The following BRCA1 variants were observed in gnomAD, a reference collection of about 807,000 sequenced individuals.
BRCA1 encodes the protein breast cancer type 1 susceptibility protein.
A neutral mutation model predicts 173.7 loss-of-function variants in BRCA1; 140 were observed. That is an observed-to-expected ratio of 0.81 (90% CI 0.70 to 0.93). The LOEUF is 0.93. BRCA1 is among the 40% of genes least tolerant of loss of function. The pLI is 0.00. For missense variants in BRCA1, 1,983 were observed against 2,172.5 expected (o/e 0.91, Z 1.73); for synonymous variants, 662 against 756.0 (o/e 0.88, Z 2.04).
chr17:43,076,485 T>TACCTTTCC lies in BRCA1; in HGVS notation c.4479_4484+2dup. 6.2e-7 allele frequency: 1 copy of TACCTTTCC among 1,613,656 alleles called. No homozygotes were observed. Among genetic ancestry groups the TACCTTTCC allele is most frequent in the Non-Finnish European group, 8.5e-7 (1 of 1,179,822 alleles). Reference sequence around the variant, plus strand: ...ACAGCATCTTTACATTGATGTTTCTTACCTTTCCACTCCTGGTTCTTTATT... The same window carrying TACCTTTCC: ...ACAGCATCTTTACATTGATGTTTCTTACCTTTCCACCTTTCCACTCCTGGTTCTTTATT... On this transcript the variant is annotated splice_region_variant and intron_variant, in intron 13 of 22. Transcript: ENST00000357654.
rs8176259 is a variant in BRCA1, at chr17:43,063,788, CA to C, written c.5152+85del. 6,091 of 1,110,850 alleles carry C rather than the reference CA, an allele frequency of 5.5e-3. 235 individuals carry two copies. In the African/African-American group the frequency reaches 0.084, roughly 15 times the overall value. 68.8% of individuals were successfully genotyped at this position (1,110,850 alleles called of 1,614,324 possible). A position where few individuals can be genotyped will look rare whatever the true frequency, so the allele number is the denominator to read the frequency against. On this transcript the variant is annotated intron_variant, in intron 17 of 22. Coordinates refer to ENST00000357654, the MANE Select transcript of BRCA1 (RefSeq NM_007294.4). ...TTTGGTAACTCAGACTCAGCATCAG[CA>C]AAAACCTTAGGTGTTAAACGTTAGG...
At chr17:43,145,323 T>TTCTG (rs2056112976) in intron 1 of BRCA1, 2 of 518,270 alleles carry the variant, frequency 3.9e-6, no homozygotes, top group Admixed American at 5.7e-5. Flanking sequence ...GGAATTTTTT[T>TTCTG]TCTTTCTTTT....
chr17:43,088,585 C>T (rs950081104), intron 11 of BRCA1, among the ~76,000 whole-genome samples: 1 of 152,164 alleles, frequency 6.6e-6, no homozygotes, highest in African/African-American at 2.4e-5. Context: ...CTATGATGCA[C>T]ATATATAACT....
At chr17:43,103,282 T>C (rs1417040382) in intron 6 of BRCA1, among the ~76,000 whole-genome samples, 16 of 151,158 alleles carry the variant, frequency 1.1e-4, no homozygotes, top group Admixed American at 5.9e-4. Context: ...GCCTGACCAA[T>C]ATGGTGAAAC....
Position 43,141,971 on chromosome 17 carries a change from G to A in BRCA1, c.-19-17856C>T, listed in dbSNP as rs138353845. 6.2e-3 allele frequency among the ~76,000 whole-genome samples: 949 copies of A among 152,036 alleles called. 41 individuals carry two copies. Among genetic ancestry groups the A allele is most frequent in the Admixed American group, 0.057 (874 of 15,268 alleles). On this transcript the variant is annotated intron_variant, in intron 1 of 7. Coordinates refer to the BRCA1 transcript ENST00000634433. ...CTGTTGCCCAGGCTGGTGTGCAGTG[G>A]CCCAGTCTCGGCTCACTGCAACCTC...
rs530582154 is a variant in BRCA1 at position 43,100,558 on chromosome 17, G to GTA, written c.442-680_442-679dup. Among the ~76,000 whole-genome samples the GTA allele has an allele frequency of 1.0e-3, 36 of 35,906 alleles. 4 individuals carry two copies. The highest frequency in any genetic ancestry group is 2.1e-3 in the East Asian group (3 of 1,452). The allele number at this position is 35,906 out of a possible 152,430, so 23.6% of individuals were successfully genotyped here. A position where few individuals can be genotyped will look rare whatever the true frequency, so the allele number is the denominator to read the frequency against. The stretch of plus-strand genomic sequence containing the variant: ...TATACATATATATGTGTGTGTGTGT[G>GTA]TATATATATATATAACATATATATA... On this transcript the variant is annotated intron_variant, in intron 6 of 22. Coordinates refer to ENST00000357654, the MANE Select transcript of BRCA1 (RefSeq NM_007294.4).
At chr17:43,156,283 A>C (rs1348877874) in intron 1 of BRCA1, among the ~76,000 whole-genome samples, 1 of 152,174 alleles carries the variant, frequency 6.6e-6, no homozygotes, top group African/African-American at 2.4e-5. Context: ...CGGGGACAGT[A>C]ACCTTATTGT....
intron 14 of BRCA1, among the ~76,000 whole-genome samples, chr17:43,073,276 CTTTATT>C: frequency 6.6e-6 from 1 of 151,998 alleles, no homozygotes; most frequent in East Asian, 1.9e-4. Context: ...GTGGCAAATG[CTTTATT>C]TTTGTTTCTT....
chr17:43,079,185 A>G (rs2154102531), intron 12 of BRCA1: 1 of 709,132 alleles, frequency 1.4e-6, no homozygotes, highest in Admixed American at 2.4e-5. Flanking sequence ...AAACAAAAAC[A>G]AAACAAAACA....
At chr17:43,066,893 C>T (rs189070826) in intron 16 of BRCA1, among the ~76,000 whole-genome samples, 1 of 147,900 alleles carries the variant, frequency 6.8e-6, no homozygotes, top group African/African-American at 2.5e-5. Context: ...TCTTGGGTCA[C>T]TGCAACCTCC....
At chr17:43,134,903 C>A (rs765523214) in intron 1 of BRCA1, among the ~76,000 whole-genome samples, 9 of 152,236 alleles carry the variant, frequency 5.9e-5, no homozygotes, top group Non-Finnish European at 1.0e-4. Context: ...GAGCACAGGA[C>A]GCCCAGGCCG....
Position 43,095,956 on chromosome 17 carries a change from A to G in BRCA1, c.594-34T>C, listed in dbSNP as rs147314539. 266 of 1,536,138 alleles carry G rather than the reference A, an allele frequency of 1.7e-4. No individual in the cohort carries two copies. The East Asian group carries it at 2.4e-3, about 14-fold the overall frequency. ...AAAAGACAGAGTCCTAATAAGAAAC[A>G]CTAGTTACATGTATGCAGAACTGTC... On this transcript the variant is annotated intron_variant, in intron 8 of 22. Coordinates refer to ENST00000357654, the MANE Select transcript of BRCA1 (RefSeq NM_007294.4).
At chr17:43,110,780 T>C (rs2055000657) in intron 3 of BRCA1, among the ~76,000 whole-genome samples, 1 of 151,810 alleles carries the variant, frequency 6.6e-6, no homozygotes, top group Non-Finnish European at 1.5e-5. Flanking sequence ...AAGACCAGCT[T>C]GGTCAACATG....
At chr17:43,131,886 C>T (rs545402350) in intron 1 of BRCA1, among the ~76,000 whole-genome samples, 89 of 152,124 alleles carry the variant, frequency 5.9e-4, no homozygotes, top group African/African-American at 2.0e-3. Flanking sequence ...TGGGTTGAAG[C>T]GATTCTTGTG....
At chr17:43,134,482 A>G (rs2055999363) in intron 1 of BRCA1, among the ~76,000 whole-genome samples, 1 of 152,212 alleles carries the variant, frequency 6.6e-6, no homozygotes, top group South Asian at 2.1e-4. Context: ...GAGGGACATT[A>G]TGGGCTTGAT....
intron 1 of BRCA1, among the ~76,000 whole-genome samples, chr17:43,145,561 C>T (rs1248748490): frequency 1.3e-5 from 2 of 152,036 alleles, no homozygotes; most frequent in African/African-American, 2.4e-5. Flanking sequence ...CTCCTGACCT[C>T]GTGATCCGCC....
At chr17:43,111,529 C>CA (rs542280731) in intron 3 of BRCA1, among the ~76,000 whole-genome samples, 328 of 148,314 alleles carry the variant, frequency 2.2e-3, no homozygotes, top group Non-Finnish European at 3.1e-3. Flanking sequence ...CAAAACAAAA[C>CA]AAAAAAAAAC....
At chr17:43,095,536 T>G (rs953652862) in intron 9 of BRCA1, among the ~76,000 whole-genome samples, 5 of 151,002 alleles carry the variant, frequency 3.3e-5, no homozygotes, top group South Asian at 2.1e-4. Context: ...GAGCCAAGAT[T>G]GCATCACTGC....
chr17:43,157,153 A>G (rs1402582121), intron 1 of BRCA1, among the ~76,000 whole-genome samples: 7 of 152,378 alleles, frequency 4.6e-5, no homozygotes, highest in African/African-American at 1.7e-4. Flanking sequence ...AAGAACTACC[A>G]ATCGTCAGAA....
Sources: gnomAD v4.1 joint callset for allele counts (sites outside exome capture counted in the v4.1 genomes callset) on GRCh38, gnomAD v4.1.1 for gene constraint, MANE v1.5 for transcripts, NCBI Gene and HGNC (gene_info 2026-07-23, HGNC 2026-07-21) for gene names.